PIAS4: variants seen among roughly 807,000 people sequenced by gnomAD.
PIAS4 encodes the protein E3 SUMO-protein ligase PIAS4.
A neutral mutation model predicts 58.0 loss-of-function variants in PIAS4; 7 were observed. The ratio of observed to expected loss-of-function variants is 0.12; its 90% confidence interval spans 0.07 to 0.23. PIAS4 has a LOEUF of 0.23. Among genes scored for constraint, PIAS4 ranks in the 10% least tolerant of loss-of-function variants. PIAS4 has a pLI of 1.00. For missense variants in PIAS4, 550 were observed against 709.5 expected (o/e 0.78, Z 2.55); for synonymous variants, 364 against 312.4 (o/e 1.17, Z -1.74).
At chr19:4,025,406 G>A (rs1003409131) in intron 3 of PIAS4, among the ~76,000 whole-genome samples, 20 of 152,256 alleles carry the variant, frequency 1.3e-4, no homozygotes, top group African/African-American at 4.8e-4. Context: ...CTGCTGGGCA[G>A]GCTAATGGTA....
At chr19:4,023,217 G>A (rs1350119397) in intron 2 of PIAS4, among the ~76,000 whole-genome samples, 2 of 148,128 alleles carry the variant, frequency 1.4e-5, no homozygotes, top group Non-Finnish European at 3.0e-5. Context: ...AGTGGCTCAC[G>A]CCTGTAATCC....
At chr19:4,033,280 C>T (rs1302051029) in intron 8 of PIAS4, 107 bp downstream of exon 8, 10 of 1,350,654 alleles carry the variant, frequency 7.4e-6, no homozygotes, top group South Asian at 2.5e-5. Flanking sequence ...CCTGCGGGGG[C>T]GAGGCTGGTC....
rs537237384 is a variant in PIAS4 at position 4,037,247 on chromosome 19, G to A, written c.1143-127G>A. 1.3e-5 allele frequency: 16 copies of A among 1,233,614 alleles called. No individual in the cohort carries two copies. The African/African-American group carries it at 2.4e-4, about 18-fold the overall frequency. 76.4% of individuals were successfully genotyped at this position (1,233,614 alleles called of 1,614,324 possible). A position where few individuals can be genotyped will look rare whatever the true frequency, so the allele number is the denominator to read the frequency against. On this transcript the variant is annotated intron_variant, in intron 9 of 10. Coordinates refer to ENST00000262971, the MANE Select transcript of PIAS4 (RefSeq NM_015897.4). This position sits in a 1 kb window ranked among gnomAD's most constrained non-coding sequence, Gnocchi z 5.8. ...GGGGTCCCTGGACCCCTGCGGTCGG[G>A]GTGGTGAGGCTGCTCTTGCAGAGAG...
At chr19:4,014,390 TCCGCAG>T (rs2040030811) in intron 2 of PIAS4, among the ~76,000 whole-genome samples, 1 of 152,072 alleles carries the variant, frequency 6.6e-6, no homozygotes, top group Non-Finnish European at 1.5e-5. Context: ...CAGGGAGGCC[TCCGCAG>T]CCCCAGCCCC....
rs546806247 is a variant in PIAS4 at position 4,016,137 on chromosome 19, G to T, written c.454+2788G>T. Among the ~76,000 whole-genome samples the T allele has an allele frequency of 1.1e-4, 17 of 152,370 alleles. No individual in the cohort carries two copies. The East Asian group carries it at 2.9e-3, about 26-fold the overall frequency. On this transcript the variant is annotated intron_variant, in intron 2 of 10. Transcript: ENST00000262971. ...GAACCCTGTCCTGCCTGTCGGCAAG[G>T]AAGCCGGCGCCACCCCTTTCCAGCC...
rs1280726139 is a variant in PIAS4 at position 4,037,040 on chromosome 19, C to T, written c.1143-334C>T. 5.9e-5 allele frequency among the ~76,000 whole-genome samples: 9 copies of T among 151,730 alleles called. No homozygotes were observed. The highest frequency in any genetic ancestry group is 3.3e-4 in the Admixed American group (5 of 14,980). ...ACACGCTCAAACATGCGTGCACACCCGGAGGTGCCCAGAGGGGCAGGGTGG... is the reference window on the plus strand; with the variant it reads ...ACACGCTCAAACATGCGTGCACACCTGGAGGTGCCCAGAGGGGCAGGGTGG... On this transcript the variant is annotated intron_variant, in intron 9 of 10. Transcript: ENST00000262971. The surrounding 1 kb of genome is among the most constrained non-coding windows in gnomAD (Gnocchi z 5.8).
At chr19:4,012,242 G>A (rs1441183070) in intron 1 of PIAS4, among the ~76,000 whole-genome samples, 1 of 151,976 alleles carries the variant, frequency 6.6e-6, no homozygotes, top group African/African-American at 2.4e-5. Context: ...TAGTGTGGCA[G>A]CAAGAACCGC....
At chr19:4,010,317 T>A (rs1341367073) in intron 1 of PIAS4, among the ~76,000 whole-genome samples, 4 of 152,164 alleles carry the variant, frequency 2.6e-5, no homozygotes, top group Non-Finnish European at 5.9e-5. Context: ...GGCTCCACTG[T>A]CCAGCCTGGG....
rs545592812 is a variant in PIAS4, at chr19:4,035,133, C to T, written c.1142+1553C>T. Among the ~76,000 whole-genome samples, 7 of 152,256 alleles carry T rather than the reference C, an allele frequency of 4.6e-5. No individual in the cohort carries two copies. The East Asian group carries it at 1.2e-3, about 25-fold the overall frequency. ...GGGGCGGCCCTGGCACGGTGGGCTC[C>T]GAGCATCGCCTCAGAGAGAGCTCGG... On this transcript the variant is annotated intron_variant, in intron 9 of 10. Transcript: ENST00000262971.
chr19:4,018,950 G>A (rs2040080376), intron 2 of PIAS4, among the ~76,000 whole-genome samples: 1 of 152,136 alleles, frequency 6.6e-6, no homozygotes, highest in Non-Finnish European at 1.5e-5. Flanking sequence ...GGCCGTGTGT[G>A]CGCCGGGGTG....
At chr19:4,029,431 C>G (rs991699152) in intron 7 of PIAS4, among the ~76,000 whole-genome samples, 1 of 152,196 alleles carries the variant, frequency 6.6e-6, no homozygotes, top group Admixed American at 6.5e-5. Context: ...GCCGAGGGTG[C>G]TGCGGGACCT....
chr19:4,015,384 C>G (rs981500561), intron 2 of PIAS4, among the ~76,000 whole-genome samples: 2 of 152,174 alleles, frequency 1.3e-5, no homozygotes, highest in African/African-American at 4.8e-5. Context: ...ACCCCGGTCA[C>G]CTGATCTCCG....
rs779249654 is a variant in PIAS4 at position 4,033,551 on chromosome 19, A to G, written c.1113A>G (p.Pro371=). The change falls in exon 9 of 11, where the codon CCA becomes CCG. Residue 371 remains proline, a synonymous_variant. Coordinates refer to ENST00000262971, the MANE Select transcript of PIAS4 (RefSeq NM_015897.4). ...GGATGTGCCCCGTGTGCGACAAGCC[A>G]GCCCCCTACGACCAGCTCATCATCG... is the stretch of plus-strand genomic sequence containing the variant. The part of the protein sequence containing the change: ...PTWMCPVCDK[P]APYDQLIIDG... 1 of 1,609,614 alleles carries G rather than the reference A, an allele frequency of 6.2e-7. No homozygotes were observed.
intron 2 of PIAS4, among the ~76,000 whole-genome samples, chr19:4,015,731 G>C (rs1341044820): frequency 6.6e-6 from 1 of 152,208 alleles, no homozygotes; most frequent in Non-Finnish European, 1.5e-5. Flanking sequence ...GGAGGACCCA[G>C]TTCCACCGGC....
At chr19:4,035,252 G>A (rs1221094485) in intron 9 of PIAS4, among the ~76,000 whole-genome samples, 2 of 152,112 alleles carry the variant, frequency 1.3e-5, no homozygotes, top group Admixed American at 6.5e-5. Flanking sequence ...ATGCCACTGC[G>A]GGTGCCTGGG....
At position 4,037,028 on chromosome 19, in the gene PIAS4, T is replaced by G. The variant is rs1176104012; in HGVS notation, c.1143-346T>G. ...ACTCACGTCCACACACGCTCAAACA[T>G]GCGTGCACACCCGGAGGTGCCCAGA... On this transcript the variant is annotated intron_variant, in intron 9 of 10. Transcript: ENST00000262971. The surrounding 1 kb of genome is among the most constrained non-coding windows in gnomAD (Gnocchi z 5.8). Among the ~76,000 whole-genome samples, 1 of 152,138 alleles carries G rather than the reference T, an allele frequency of 6.6e-6. No individual in the cohort carries two copies. Among genetic ancestry groups the G allele is most frequent in the Admixed American group, 6.6e-5 (1 of 15,266 alleles).
chr19:4,031,846 G>A (rs1358504207), intron 7 of PIAS4, among the ~76,000 whole-genome samples: 1 of 152,236 alleles, frequency 6.6e-6, no homozygotes, highest in Non-Finnish European at 1.5e-5. Context: ...AGGAGGGAGA[G>A]TTTGCTTTAA....
chr19:4,009,951 C>T (rs1408204900), intron 1 of PIAS4, among the ~76,000 whole-genome samples: 1 of 152,142 alleles, frequency 6.6e-6, no homozygotes, highest in Admixed American at 6.5e-5. Context: ...GAGAGAGGCG[C>T]CTTCCTGAGC....
At chr19:4,026,920 T>C (rs562371314) in intron 3 of PIAS4, among the ~76,000 whole-genome samples, 1 of 152,122 alleles carries the variant, frequency 6.6e-6, no homozygotes, top group Non-Finnish European at 1.5e-5. Context: ...CGATCTTGGC[T>C]CACTGCAAGC....
Sources: gnomAD v4.1 joint callset for allele counts (sites outside exome capture counted in the v4.1 genomes callset) on GRCh38, gnomAD v4.1.1 for gene constraint, Gnocchi (gnomAD v3.1) non-coding constraint, MANE v1.5 for transcripts, NCBI Gene and HGNC (gene_info 2026-07-23, HGNC 2026-07-21) for gene names.